Variants in DNAH17 observed in about 807,000 individuals in gnomAD.
The protein encoded by DNAH17 is dynein axonemal heavy chain 17.
Under a neutral mutation model 485.6 loss-of-function variants are expected in DNAH17, and 376 were observed. The ratio of observed to expected loss-of-function variants is 0.77; its 90% CI spans 0.71 to 0.84. The LOEUF is 0.84. Ranked by LOEUF, DNAH17 falls within the 40% of genes least tolerant of loss-of-function variation. The pLI is 0.00. For missense variants in DNAH17, 6,370 were observed against 5,839.3 expected (o/e 1.09, Z -2.96); for synonymous variants, 3,031 against 2,405.9 (o/e 1.26, Z -7.60).
At chr17:78,496,095 G>A (rs1470762144) in intron 37 of DNAH17, 63 bp from the exon 38 acceptor site, 78 of 1,532,762 alleles carry the variant, frequency 5.1e-5, no homozygotes, top group Non-Finnish European at 3.3e-5. Flanking sequence ...CACCAGAGAG[G>A]CCTTCACATA....
intron 62 of DNAH17, 106 bp from the exon 63 acceptor site, chr17:78,455,942 G>T: frequency 1.0e-6 from 1 of 968,598 alleles, no homozygotes; most frequent in Non-Finnish European, 1.4e-6. Context: ...TTTCCCGTCT[G>T]CACCTGGCTC....
intron 40 of DNAH17, 87 bp downstream of exon 40, chr17:78,494,506 C>T (rs1010307831): frequency 1.1e-5 from 16 of 1,405,464 alleles, no homozygotes; most frequent in East Asian, 9.2e-5. Flanking sequence ...GTGTGTGACA[C>T]GGGTCTCCAC....
chr17:78,432,577 T>C (rs965034165), intron 75 of DNAH17, among the ~76,000 whole-genome samples: 4 of 152,196 alleles, frequency 2.6e-5, no homozygotes, highest in Non-Finnish European at 5.9e-5. Flanking sequence ...TGGGAGGTCG[T>C]TGTCCTCCAG....
rs2086971255 is a variant in DNAH17 at position 78,439,170 on chromosome 17, A to G, written c.11725T>C (p.Ser3909Pro). 1 of 1,613,542 alleles carries G rather than the reference A, an allele frequency of 6.2e-7. No individual in the cohort carries two copies. The highest frequency in any genetic ancestry group is 8.5e-7 in the Non-Finnish European group (1 of 1,179,816). The change falls in exon 73 of 81, where the codon TCC becomes CCC. Residue 3909 changes from serine (S) to proline (P), a missense_variant. By Grantham distance (74) the Ser-to-Pro change is moderately conservative. Transcript: ENST00000389840. ...ACCACCTCTTGTCCCTGCCCCAGGG[A>G]CACATTATGGAGTTTTCCATTGTCT... Reference protein sequence around the residue: ...TIDNGKLHNVSLGQGQEVVAE... With the variant: ...TIDNGKLHNVPLGQGQEVVAE...
At chr17:78,504,088 T>C (rs1303998249) in intron 31 of DNAH17, among the ~76,000 whole-genome samples, 1 of 150,984 alleles carries the variant, frequency 6.6e-6, no homozygotes, top group African/African-American at 2.4e-5. Flanking sequence ...TTTTTGGAGA[T>C]GAAGTCTCAC....
chr17:78,576,658 C>T (rs1336682024), intron 1 of DNAH17, among the ~76,000 whole-genome samples: 1 of 152,142 alleles, frequency 6.6e-6, no homozygotes, highest in African/African-American at 2.4e-5. Flanking sequence ...TGGAAGGTTC[C>T]TGATTGGAAG....
At chr17:78,570,584 G>A (rs905340490) in intron 6 of DNAH17, among the ~76,000 whole-genome samples, 2 of 152,088 alleles carry the variant, frequency 1.3e-5, no homozygotes, top group Admixed American at 6.5e-5. Context: ...CCCAGGCCGG[G>A]CGTGGTGGCT....
intron 69 of DNAH17, among the ~76,000 whole-genome samples, chr17:78,447,315 C>G (rs998013275): frequency 2.6e-5 from 4 of 152,138 alleles, no homozygotes; most frequent in Non-Finnish European, 5.9e-5. Flanking sequence ...GTTTACAGGT[C>G]TTGTGGGTGT....
At chr17:78,490,939 G>A (rs968838946) in intron 43 of DNAH17, 92 bp from the exon 44 acceptor site, 13 of 1,415,726 alleles carry the variant, frequency 9.2e-6, no homozygotes, top group African/African-American at 5.7e-5. Context: ...GCAAACCTCC[G>A]AGCAAGGAGG....
At chr17:78,569,740 T>TG (rs1319259131) in intron 7 of DNAH17, among the ~76,000 whole-genome samples, 3 of 151,786 alleles carry the variant, frequency 2.0e-5, no homozygotes, top group Non-Finnish European at 4.4e-5. Flanking sequence ...CATAAATGGG[T>TG]GGGGGTCGCA....
rs184456087 is a variant in DNAH17 at position 78,494,048 on chromosome 17, G to A, written c.6396C>T (p.Ser2132=). ...GCGGGTGACACACCTGAGATTTGCC[G>A]CTGCCCGCATTCCCGACGATGAACA... ...HSVFIVGNAG[S]GKSQVLKSLN... The change falls in exon 41 of 81, where the codon AGC becomes AGT. Residue 2132 remains serine, a synonymous_variant. Coordinates refer to ENST00000389840, the MANE Select transcript of DNAH17 (RefSeq NM_173628.4). The A allele has an allele frequency of 2.9e-5, 46 of 1,612,214 alleles. No individual in the cohort carries two copies. The highest frequency in any genetic ancestry group is 2.0e-4 in the African/African-American group (15 of 75,012).
At chr17:78,509,445 G>C (rs1290635533) in intron 27 of DNAH17, among the ~76,000 whole-genome samples, 1 of 152,174 alleles carries the variant, frequency 6.6e-6, no homozygotes, top group Non-Finnish European at 1.5e-5. Context: ...TTACACACTT[G>C]TAACTATGCT....
chr17:78,450,440 T>TGAATGACACAGCAGATGA, intron 67 of DNAH17, 46 bp from the exon 68 acceptor site: 1 of 1,607,286 alleles, frequency 6.2e-7, no homozygotes, highest in Non-Finnish European at 8.5e-7. Flanking sequence ...AGATGGGCAG[T>TGAATGACACAGCAGATGA]GCCATGAGCA....
chr17:78,428,193 G>C (rs2086545125), intron 77 of DNAH17: 1 of 400,778 alleles, frequency 2.5e-6, no homozygotes. Flanking sequence ...GCCAGGGTGG[G>C]GAATGGTCGG....
In DNAH17 at chr17:78,514,951, A is replaced by G. The variant is rs372914085; in HGVS notation, c.3936T>C (p.Asp1312=). The change falls in exon 26 of 81, where the codon GAT becomes GAC. Residue 1312 remains aspartate, a synonymous_variant. Transcript: ENST00000389840. The part of the protein sequence containing the change: ...KDINVEQMDI[D]CKKFAKDMRS... ...TCATGTCCTTGGCAAACTTCTTACA[A>G]TCTATGTCCATCTGCTCAACGTTGA... 3.7e-6 allele frequency: 6 copies of G among 1,613,794 alleles called. No individual in the cohort carries two copies. The African/African-American group carries it at 4.0e-5, about 11-fold the overall frequency.
intron 19 of DNAH17, chr17:78,532,985 G>A (rs999334545): frequency 3.3e-5 from 12 of 361,752 alleles, no homozygotes; most frequent in Non-Finnish European, 5.5e-5. Context: ...CAGAACTCCT[G>A]GGCTCAAGCG....
At chr17:78,427,207 C>T (rs2086506299) in intron 77 of DNAH17, 99 bp from the exon 78 acceptor site, 3 of 1,286,592 alleles carry the variant, frequency 2.3e-6, no homozygotes, top group Non-Finnish European at 3.3e-6. Flanking sequence ...AGCCCCAAGT[C>T]CTGGAGAGGA....
In DNAH17 at chr17:78,423,949, G is replaced by C. The variant is rs143246806; in HGVS notation, c.13346C>G (p.Ala4449Gly). The C allele has an allele frequency of 6.8e-6, 11 of 1,613,858 alleles. No homozygotes were observed. In the East Asian group the frequency reaches 2.0e-4, roughly 29 times the overall value. The change falls in exon 81 of 81, where the codon GCG becomes GGG. Residue 4449 changes from alanine to glycine, a missense_variant. By Grantham distance (60) the Ala-to-Gly change is moderately conservative. Coordinates refer to ENST00000389840, the MANE Select transcript of DNAH17 (RefSeq NM_173628.4). The stretch of plus-strand genomic sequence containing the variant: ...CGCCACGGCTGCCAGGATCCACTTC[G>C]CTGCCTTCTCTTTGGTCTTCAAGTT... ...TFNLKTKEKA[A>G]KWILAAVALL... is the part of the protein sequence containing the mutation.
chr17:78,511,087 G>C (rs672925), intron 26 of DNAH17, among the ~76,000 whole-genome samples: 43,218 of 152,084 alleles, frequency 0.28, 6,436 homozygotes, highest in East Asian at 0.52. Flanking sequence ...CAGAGTCCTG[G>C]CCTCCAGCAC....
Sources: allele counts gnomAD v4.1 joint callset (sites outside exome capture counted in the v4.1 genomes callset), GRCh38; gene constraint gnomAD v4.1.1; transcripts MANE v1.5; gene names NCBI Gene and HGNC (gene_info 2026-07-23, HGNC 2026-07-21).